The following GANC variants were observed in gnomAD, a reference collection of about 807,000 sequenced individuals.
GANC encodes the protein neutral alpha-glucosidase C.
Under a neutral mutation model 124.2 loss-of-function variants are expected in GANC, and 117 were observed. The ratio of observed to expected loss-of-function variants is 0.94; its 90% CI spans 0.81 to 1.10. The LOEUF (loss-of-function observed/expected upper bound fraction) is 1.10. GANC is among the 50% of genes least tolerant of loss of function. The probability of loss-of-function intolerance (pLI) is 0.00; values close to 1 mark genes in which losing one functional copy is unlikely to be tolerated. For missense variants in GANC, 1,140 were observed against 1,095.0 expected (o/e 1.04, Z -0.58); for synonymous variants, 377 against 376.8 (o/e 1.00, Z -0.01).
Position 42,340,696 on chromosome 15 carries a change from G to A in GANC, c.2094G>A (p.Leu698=), listed in dbSNP as rs774480983. The A allele has an allele frequency of 5.0e-6, 8 of 1,605,054 alleles. No homozygotes were observed. Among genetic ancestry groups the A allele is most frequent in the Non-Finnish European group, 6.8e-6 (8 of 1,177,816 alleles). ...ATTTTTTTTCTTTCCCCAGGCCTCT[G>A]TGGGTAGAGTTCCCTGATGAACTAA... is the stretch of plus-strand genomic sequence containing the variant. ...HVASQPVMRP[L]WVEFPDELKT... Residue 698 remains leucine, a synonymous_variant, in exon 18 of 24, where the codon CTG becomes CTA. Transcript: ENST00000318010.
intron 12 of GANC, 131 bp downstream of exon 12, chr15:42,326,555 A>G (rs2052200189): frequency 7.0e-7 from 1 of 1,437,736 alleles, no homozygotes; most frequent in Admixed American, 2.2e-5. Context: ...ATATAATTTA[A>G]TGAAGAGATA....
intron 22 of GANC, 137 bp downstream of exon 22, chr15:42,349,632 TTTTTCTTTTC>T (rs752285997): frequency 1.4e-5 from 9 of 631,948 alleles, no homozygotes; most frequent in Middle Eastern, 3.5e-4. Flanking sequence ...CCGGAATATT[TTTTTCTTTTC>T]TTTTCTTTTC....
chr15:42,310,299 C>A lies in GANC; in HGVS notation c.739C>A (p.Arg247Ser). 4 of 1,596,994 alleles carry A rather than the reference C, an allele frequency of 2.5e-6. No individual in the cohort carries two copies. Among genetic ancestry groups the A allele is most frequent in the Non-Finnish European group, 3.4e-6 (4 of 1,170,070 alleles). ...LKNTGDGDAY[R>S]LYNLDVYGYQ... ...GTGTTTCAGTGATGGAGATGCTTACCGTCTTTATAACCTGGATGTCTATGG... is the reference window on the plus strand; with the variant it reads ...GTGTTTCAGTGATGGAGATGCTTACAGTCTTTATAACCTGGATGTCTATGG... Residue 247 changes from arginine to serine, a missense_variant, in exon 9 of 24, where the codon CGT (arginine) becomes AGT (serine). Coordinates refer to ENST00000318010, the MANE Select transcript of GANC (RefSeq NM_198141.3).
At chr15:42,329,013 T>G (rs2052219431) in intron 13 of GANC, among the ~76,000 whole-genome samples, 1 of 152,202 alleles carries the variant, frequency 6.6e-6, no homozygotes, top group Non-Finnish European at 1.5e-5. Flanking sequence ...GGTCTTGGAA[T>G]GAATTTGCCA....
intron 19 of GANC, among the ~76,000 whole-genome samples, chr15:42,344,118 A>G (rs904182765): frequency 6.6e-6 from 1 of 152,208 alleles, no homozygotes; most frequent in Admixed American, 6.5e-5. Context: ...CTCTCCCTCA[A>G]CATAGCTTTA....
intron 20 of GANC, among the ~76,000 whole-genome samples, chr15:42,347,798 TAG>T (rs764689045): frequency 6.1e-4 from 93 of 152,284 alleles, no homozygotes; most frequent in African/African-American, 1.7e-3. Context: ...AAGCCACTTA[TAG>T]GATGGGCAGA....
chr15:42,294,083 T>A (rs1475425189), intron 5 of GANC, among the ~76,000 whole-genome samples: 1 of 151,432 alleles, frequency 6.6e-6, no homozygotes, highest in Non-Finnish European at 1.5e-5. Context: ...TTTTTTTTCT[T>A]TTGTAAACCC....
At chr15:42,314,434 A>G (rs1403367583) in intron 10 of GANC, 2 of 345,118 alleles carry the variant, frequency 5.8e-6, no homozygotes, top group South Asian at 2.9e-5. Context: ...GGGGATTTCT[A>G]TCTGAGCTTG....
chr15:42,278,625 G>T lies in GANC; in HGVS notation c.201+35G>T, dbSNP rs2051700614. On this transcript the variant is annotated intron_variant, in intron 3 of 23. Coordinates refer to ENST00000318010, the MANE Select transcript of GANC (RefSeq NM_198141.3). ...AAGTATTTTCTACAGAGAATAATTT[G>T]TTTCTGTATTTATTGGGCCTGAATG... The T allele has an allele frequency of 2.1e-6, 3 of 1,450,620 alleles. No individual in the cohort carries two copies. In the Middle Eastern group the frequency reaches 5.3e-4, roughly 254 times the overall value. 89.9% of individuals were successfully genotyped at this position (1,450,620 alleles called of 1,614,324 possible). A position where few individuals can be genotyped will look rare whatever the true frequency, so the allele number is the denominator to read the frequency against.
chr15:42,349,810 G>A (rs947400091), intron 22 of GANC, among the ~76,000 whole-genome samples: 9 of 151,528 alleles, frequency 5.9e-5, no homozygotes, highest in African/African-American at 1.5e-4. Context: ...CAACATACCC[G>A]GCTAATTTTT....
chr15:42,328,160 G>C (rs74382730), intron 13 of GANC, among the ~76,000 whole-genome samples: 14,737 of 152,180 alleles, frequency 0.097, 837 homozygotes, highest in South Asian at 0.18. Flanking sequence ...GTCTGTTTGT[G>C]CCCTAAGCCC....
At chr15:42,286,490 A>G (rs1020680419) in intron 3 of GANC, among the ~76,000 whole-genome samples, 4 of 152,376 alleles carry the variant, frequency 2.6e-5, no homozygotes, top group South Asian at 2.1e-4. Context: ...TCCAAATGTT[A>G]AAATTTTGAT....
intron 9 of GANC, 113 bp downstream of exon 9, chr15:42,310,576 A>T: frequency 6.8e-7 from 1 of 1,464,808 alleles, no homozygotes; most frequent in South Asian, 1.3e-5. Context: ...AAAGCTTTAC[A>T]GTGTAATCAG....
intron 20 of GANC, among the ~76,000 whole-genome samples, chr15:42,346,502 T>C (rs1405508894): frequency 6.6e-6 from 1 of 152,052 alleles, no homozygotes; most frequent in Non-Finnish European, 1.5e-5. Context: ...AATTGGTGAG[T>C]TGTATGGTAT....
In GANC at chr15:42,352,085, C is replaced by T. The variant is rs2052448260; in HGVS notation, c.2691C>T (p.Ser897=). Reference sequence around the variant, plus strand: ...ATTGTGCCAAAACATCCATCCTGAGCCTGGAGAAGCTCTCACTCAACATTG... The same window carrying T: ...ATTGTGCCAAAACATCCATCCTGAGTCTGGAGAAGCTCTCACTCAACATTG... ...FTYCAKTSIL[S]LEKLSLNIAT... The change falls in exon 24 of 24, where the codon AGC becomes AGT. Residue 897 remains serine (S), a synonymous_variant. Coordinates refer to ENST00000318010, the MANE Select transcript of GANC (RefSeq NM_198141.3). The T allele has an allele frequency of 4.3e-6, 7 of 1,614,032 alleles. No individual in the cohort carries two copies. The highest frequency in any genetic ancestry group is 1.3e-5 in the African/African-American group (1 of 74,906).
chr15:42,348,865 T>C (rs2052392767), intron 21 of GANC, among the ~76,000 whole-genome samples: 1 of 152,216 alleles, frequency 6.6e-6, no homozygotes, highest in South Asian at 2.1e-4. Flanking sequence ...TAGGCATGTC[T>C]TCTTGGGCCA....
chr15:42,293,028 G>A, intron 5 of GANC, 111 bp downstream of exon 5: 1 of 1,005,208 alleles, frequency 9.9e-7, no homozygotes, highest in Admixed American at 2.4e-5. Flanking sequence ...TGCCTTATTT[G>A]CTCTAGTATT....
intron 16 of GANC, 120 bp downstream of exon 16, chr15:42,338,610 A>G (rs2052302751): frequency 1.4e-6 from 1 of 729,606 alleles, no homozygotes; most frequent in African/African-American, 1.8e-5. Context: ...TGTGGGAAAG[A>G]AAAAATGTGA....
chr15:42,286,956 T>G (rs188808590), intron 3 of GANC, among the ~76,000 whole-genome samples: 1 of 152,358 alleles, frequency 6.6e-6, no homozygotes, highest in Non-Finnish European at 1.5e-5. Context: ...AAAATATTTT[T>G]CTAGGTGCTC....
Sources: gnomAD v4.1 joint callset for allele counts (sites outside exome capture counted in the v4.1 genomes callset) on GRCh38, gnomAD v4.1.1 for gene constraint, MANE v1.5 for transcripts, NCBI Gene and HGNC (gene_info 2026-07-23, HGNC 2026-07-21) for gene names.